PUDP: variants seen among roughly 807,000 people sequenced by gnomAD.
PUDP encodes the protein pseudouridine 5'-phosphatase.
PUDP carries 8 observed loss-of-function variants against 9.4 expected under a neutral mutation model. That is an observed-to-expected ratio of 0.85 (90% CI 0.50 to 1.53). The LOEUF (loss-of-function observed/expected upper bound fraction) is 1.53, where lower values mean the gene tolerates loss of function less well. Ranked by LOEUF, PUDP falls within the 40% of genes most tolerant of loss-of-function variation. The probability of loss-of-function intolerance (pLI) is 0.00; values close to 1 mark genes in which losing one functional copy is unlikely to be tolerated. For missense variants in PUDP, 188 were observed against 189.7 expected (o/e 0.99, Z 0.05); for synonymous variants, 99 against 80.7 (o/e 1.23, Z -1.22).
rs747242879 is a variant in PUDP, at chrX:6,803,737, A to T, written c.*248-97271T>A. ...ACAATCCTATTTTACACCACTGAGG[A>T]ATTTACAACACTGAAAGATAAGAAA... On this transcript the variant is annotated intron_variant and NMD_transcript_variant, in intron 3 of 3. Coordinates refer to the PUDP transcript ENST00000655425. 5.4e-5 allele frequency among the ~76,000 whole-genome samples: 6 copies of T among 112,139 alleles called. No homozygotes were observed. In the South Asian group the frequency reaches 2.2e-3, roughly 42 times the overall value.
At chrX:6,815,597 G>A (rs1926217856) in intron 3 of PUDP, among the ~76,000 whole-genome samples, 1 of 111,008 alleles carries the variant, frequency 9.0e-6, no homozygotes, top group Non-Finnish European at 1.9e-5. Context: ...CCTAGAACTG[G>A]GCAATCTCTA....
intron 3 of PUDP, among the ~76,000 whole-genome samples, chrX:6,740,936 A>G (rs1924928365): frequency 8.9e-6 from 1 of 111,792 alleles, no homozygotes; most frequent in Admixed American, 9.5e-5. Context: ...AGGTGGGCAG[A>G]TCACCTGACG....
Position 7,132,257 on chromosome X carries a change from T to C in PUDP, c.61+15796A>G, listed in dbSNP as rs137881016. On this transcript the variant is annotated intron_variant, in intron 1 of 3. Coordinates refer to ENST00000381077, the MANE Select transcript of PUDP (RefSeq NM_012080.5). Reference sequence around the variant, plus strand: ...CTCAATCTCTCCTCCAGAGCCCTCATAGATCCAACTTAGGCTTTTCTTAAA... The same window carrying C: ...CTCAATCTCTCCTCCAGAGCCCTCACAGATCCAACTTAGGCTTTTCTTAAA... Among the ~76,000 whole-genome samples the C allele has an allele frequency of 9.3e-3, 1,036 of 111,799 alleles. 13 individuals carry two copies. Among genetic ancestry groups the C allele is most frequent in the African/African-American group, 0.032 (983 of 30,734 alleles).
At chrX:7,050,582 G>A (rs990618657) in intron 3 of PUDP, 110 bp from the exon 4 acceptor site, 2 of 685,995 alleles carry the variant, frequency 2.9e-6, no homozygotes, top group East Asian at 3.6e-5. Flanking sequence ...GAAAGAGACA[G>A]AATTACAGTG....
chrX:6,832,811 A>G (rs959580526), intron 3 of PUDP, among the ~76,000 whole-genome samples: 6 of 112,086 alleles, frequency 5.4e-5, no homozygotes, highest in African/African-American at 1.6e-4. Flanking sequence ...TCAGCTGCCT[A>G]GAATTGTACT....
At chrX:6,941,442 G>C (rs1290048539) in intron 3 of PUDP, among the ~76,000 whole-genome samples, 1 of 98,325 alleles carries the variant, frequency 1.0e-5, no homozygotes, top group Non-Finnish European at 2.0e-5. Flanking sequence ...TTGGGCTCAA[G>C]CTATCCTCCT....
In PUDP at chrX:7,084,597, G is replaced by A. The variant is rs746824801; in HGVS notation, c.281-7148C>T. Among the ~76,000 whole-genome samples the A allele has an allele frequency of 8.0e-5, 9 of 111,926 alleles. No homozygotes were observed. In the Admixed American group the frequency reaches 8.5e-4, roughly 11 times the overall value. Reference sequence around the variant, plus strand: ...CAATGCTCAGAGTTTCTCAGGGTTTGTGTTTCCAATTAGGAGGCCACGCTT... The same window carrying A: ...CAATGCTCAGAGTTTCTCAGGGTTTATGTTTCCAATTAGGAGGCCACGCTT... On this transcript the variant is annotated intron_variant, in intron 2 of 3. Coordinates refer to ENST00000381077, the MANE Select transcript of PUDP (RefSeq NM_012080.5).
chrX:6,800,124 A>G (rs1238612074), intron 3 of PUDP, among the ~76,000 whole-genome samples: 2 of 112,261 alleles, frequency 1.8e-5, no homozygotes, highest in Non-Finnish European at 3.8e-5. Flanking sequence ...ATTGTATTTT[A>G]CACACATCAC....
intron 3 of PUDP, among the ~76,000 whole-genome samples, chrX:6,763,581 A>G (rs1448207812): frequency 1.8e-5 from 2 of 111,396 alleles, no homozygotes; most frequent in African/African-American, 6.5e-5. Context: ...TCTTAGAGAA[A>G]GTTTCCTGAC....
At chrX:6,767,784 C>G (rs767538748) in intron 3 of PUDP, among the ~76,000 whole-genome samples, 34 of 112,233 alleles carry the variant, frequency 3.0e-4, no homozygotes, top group Middle Eastern at 4.6e-3. Flanking sequence ...GAACCCCTCT[C>G]CAGCTTTCCA....
intron 1 of PUDP, among the ~76,000 whole-genome samples, chrX:7,115,779 C>T (rs1431544410): frequency 5.3e-5 from 6 of 112,689 alleles, no homozygotes; most frequent in Non-Finnish European, 7.5e-5. Context: ...CTGTCGGCAG[C>T]GCTATTTCAC....
chrX:7,108,996 TTAG>T (rs1203922299), intron 1 of PUDP, among the ~76,000 whole-genome samples: 1 of 112,437 alleles, frequency 8.9e-6, no homozygotes, highest in Non-Finnish European at 1.9e-5. Context: ...GACAGGACTC[TTAG>T]AAAAGTCTGG....
intron 1 of PUDP, among the ~76,000 whole-genome samples, chrX:6,994,258 G>GA (rs1334894400): frequency 1.8e-5 from 2 of 110,363 alleles, no homozygotes; most frequent in East Asian, 2.9e-4. Flanking sequence ...TCATAAAACA[G>GA]AAAAAATAGC....
chrX:6,822,690 G>GT (rs113740633), intron 3 of PUDP, among the ~76,000 whole-genome samples: 1,409 of 91,095 alleles, frequency 0.015, 14 homozygotes, highest in Middle Eastern at 0.064. Flanking sequence ...CTCCCAAAGT[G>GT]TTTTTTTTTT....
chrX:7,005,699 C>T (rs1371651216), intron 1 of PUDP, among the ~76,000 whole-genome samples: 1 of 111,618 alleles, frequency 9.0e-6, no homozygotes, highest in Non-Finnish European at 1.9e-5. Flanking sequence ...TGAGCCACTG[C>T]ACCTGACCGC....
At chrX:6,777,825 TAAATAG>T (rs1340910739) in intron 3 of PUDP, among the ~76,000 whole-genome samples, 1 of 111,840 alleles carries the variant, frequency 8.9e-6, no homozygotes, top group African/African-American at 3.2e-5. Context: ...ATGGAAACTT[TAAATAG>T]AAACTATGAC....
chrX:6,777,857 G>A, intron 3 of PUDP, among the ~76,000 whole-genome samples: 1 of 111,888 alleles, frequency 8.9e-6, no homozygotes, highest in East Asian at 2.8e-4. Context: ...CCCGGAAACA[G>A]GTAAGGCTAT....
At chrX:6,981,383 C>A (rs1483451529) in intron 1 of PUDP, among the ~76,000 whole-genome samples, 1 of 111,655 alleles carries the variant, frequency 9.0e-6, no homozygotes, top group Non-Finnish European at 1.9e-5. Flanking sequence ...TTTAATAAAA[C>A]TTTCTCTATA....
intron 3 of PUDP, among the ~76,000 whole-genome samples, chrX:7,062,947 G>A (rs1177745374): frequency 1.1e-5 from 1 of 92,023 alleles, no homozygotes; most frequent in African/African-American, 4.2e-5. Context: ...TGAAATACCT[G>A]GCTTAGTGTC....
Sources: gnomAD v4.1 joint callset for allele counts (sites outside exome capture counted in the v4.1 genomes callset) on GRCh38, gnomAD v4.1.1 for gene constraint, MANE v1.5 for transcripts, NCBI Gene and HGNC (gene_info 2026-07-23, HGNC 2026-07-21) for gene names.